The following RILPL1 variants were observed in gnomAD, a reference collection of about 807,000 sequenced individuals.
The protein encoded by RILPL1 is Rab interacting lysosomal protein like 1.
In RILPL1, 33 loss-of-function variants were observed where a neutral mutation model predicts 50.3. The observed-to-expected ratio is 0.66, with a 90% CI of 0.50 to 0.88. The LOEUF is 0.88. Among genes scored for constraint, RILPL1 ranks in the 40% least tolerant of loss-of-function variants. The probability of loss-of-function intolerance (pLI) is 0.00; values close to 1 mark genes in which losing one functional copy is unlikely to be tolerated. For synonymous variants in RILPL1, 205 were observed against 228.6 expected (o/e 0.90, Z 0.93); for missense variants, 418 against 542.5 (o/e 0.77, Z 2.28).
chr12:123,480,568 G>C (rs975821336), intron 6 of RILPL1, among the ~76,000 whole-genome samples: 10 of 152,150 alleles, frequency 6.6e-5, no homozygotes, highest in Middle Eastern at 6.8e-3. Flanking sequence ...CTGGGCTCAT[G>C]AAGCTTCTTG....
At chr12:123,521,335 C>T (rs986839681) in intron 2 of RILPL1, among the ~76,000 whole-genome samples, 1 of 151,812 alleles carries the variant, frequency 6.6e-6, no homozygotes, top group Non-Finnish European at 1.5e-5. Context: ...AGGGTCAGGA[C>T]TCAAACCTGG....
intron 1 of RILPL1, among the ~76,000 whole-genome samples, chr12:123,524,072 G>T (rs920152925): frequency 1.3e-5 from 2 of 152,220 alleles, no homozygotes; most frequent in African/African-American, 4.8e-5. Flanking sequence ...TGGGGATGCC[G>T]AGGCAGACGG....
At chr12:123,496,516 T>C (rs557445579) in intron 4 of RILPL1, among the ~76,000 whole-genome samples, 5 of 152,318 alleles carry the variant, frequency 3.3e-5, no homozygotes, top group Non-Finnish European at 7.4e-5. Context: ...GTCTGCAAAC[T>C]TTCAACAGCT....
rs370118545 is a variant in RILPL1 at position 123,475,473 on chromosome 12, C to T, written c.1068-2791G>A. ...GACAGAGCCGAGAATTCTGAGGCTT[C>T]GCTCGAGTAGACCGAGCGCAGCCAG... On this transcript the variant is annotated intron_variant, in intron 6 of 6. Transcript: ENST00000376874. The T allele has an allele frequency of 2.0e-3, 1,166 of 581,558 alleles. 26 individuals are homozygous for T. The South Asian group carries it at 0.023, about 11-fold the overall frequency. 36.0% of individuals were successfully genotyped at this position (581,558 alleles called of 1,614,324 possible). A position where few individuals can be genotyped will look rare whatever the true frequency, so the allele number is the denominator to read the frequency against.
chr12:123,481,757 G>A (rs781218455), intron 6 of RILPL1, among the ~76,000 whole-genome samples: 7 of 151,324 alleles, frequency 4.6e-5, no homozygotes, highest in Non-Finnish European at 5.9e-5. Flanking sequence ...GGGTTTCTCC[G>A]TATTGGTCAG....
chr12:123,526,320 A>AAAT (rs1885256651), intron 1 of RILPL1, among the ~76,000 whole-genome samples: 3 of 151,982 alleles, frequency 2.0e-5, no homozygotes, highest in Admixed American at 6.6e-5. Flanking sequence ...AATAAAATTA[A>AAAT]AATAAAATAA....
intron 4 of RILPL1, among the ~76,000 whole-genome samples, chr12:123,488,842 A>G (rs1566119166): frequency 6.6e-6 from 1 of 152,212 alleles, no homozygotes; most frequent in African/African-American, 2.4e-5. Context: ...CCACCCAAGA[A>G]CAAGGGGAGG....
chr12:123,518,874 C>T (rs375782787), intron 2 of RILPL1, among the ~76,000 whole-genome samples: 10 of 151,746 alleles, frequency 6.6e-5, no homozygotes, highest in East Asian at 1.9e-4. Flanking sequence ...CTGGCTAACA[C>T]GGTGAAATCC....
chr12:123,493,255 A>G (rs1218590938), intron 4 of RILPL1, among the ~76,000 whole-genome samples: 1 of 152,224 alleles, frequency 6.6e-6, no homozygotes, highest in Non-Finnish European at 1.5e-5. Flanking sequence ...ATGTGTATGC[A>G]TATCTAAAAG....
At chr12:123,526,108 C>T (rs1423634287) in intron 1 of RILPL1, among the ~76,000 whole-genome samples, 2 of 152,034 alleles carry the variant, frequency 1.3e-5, no homozygotes, top group Non-Finnish European at 2.9e-5. Context: ...GAGTTTGAGA[C>T]CAGCCTGGCC....
At chr12:123,497,694 A>C (rs1285325037) in intron 4 of RILPL1, among the ~76,000 whole-genome samples, 1 of 151,938 alleles carries the variant, frequency 6.6e-6, no homozygotes, top group East Asian at 1.9e-4. Flanking sequence ...ACCCAGCCCA[A>C]AAGCAAGTTT....
chr12:123,524,476 G>C (rs1044287376), intron 1 of RILPL1, among the ~76,000 whole-genome samples: 3 of 152,128 alleles, frequency 2.0e-5, no homozygotes, highest in Non-Finnish European at 1.5e-5. Flanking sequence ...ACATGAAAAC[G>C]CGTGCAGGTG....
rs553483960 is a variant in RILPL1 at position 123,502,536 on chromosome 12, T to C, written c.461-3000A>G. On this transcript the variant is annotated intron_variant, in intron 2 of 6. Transcript: ENST00000376874. ...CACACAGAGCCCTGAAGATGGTGCC[T>C]GGCACACCGCAGGCGGGTGAGGCCC... 5.9e-5 allele frequency among the ~76,000 whole-genome samples: 9 copies of C among 152,364 alleles called. No individual in the cohort carries two copies. In the South Asian group the frequency reaches 1.9e-3, roughly 32 times the overall value.
intron 2 of RILPL1, among the ~76,000 whole-genome samples, chr12:123,507,067 G>GT (rs1883794896): frequency 6.6e-6 from 1 of 152,232 alleles, no homozygotes. Flanking sequence ...CCAAGTGCTG[G>GT]TGAGAAAGTG....
chr12:123,481,919 C>G lies in RILPL1; in HGVS notation c.1067+2261G>C, dbSNP rs79746061. Among the ~76,000 whole-genome samples, 413 of 151,634 alleles carry G rather than the reference C, an allele frequency of 2.7e-3. 2 individuals are homozygous for G. The highest frequency in any genetic ancestry group is 9.5e-3 in the African/African-American group (391 of 41,300). On this transcript the variant is annotated intron_variant, in intron 6 of 6. Transcript: ENST00000376874. ...GGAGTCTCGCTCTGTCGCTCAGAGGCTGGAGTACAATGGCACAATCTCAGC... is the reference window on the plus strand; with the variant it reads ...GGAGTCTCGCTCTGTCGCTCAGAGGGTGGAGTACAATGGCACAATCTCAGC...
chr12:123,498,414 G>A lies in RILPL1; in HGVS notation c.801+130C>T. On this transcript the variant is annotated intron_variant, in intron 4 of 6. Transcript: ENST00000376874. The surrounding 1 kb of genome is among the most constrained non-coding windows in gnomAD (Gnocchi z 4.3). ...AAAAAAAATGTTTGTAGAGAATTGG[G>A]GTCTTGCTATGTTGCCCAGGTTGGC... 1 of 732,696 alleles carries A rather than the reference G, an allele frequency of 1.4e-6. No individual in the cohort carries two copies. The allele number at this position is 732,696 out of a possible 1,614,324, so 45.4% of individuals were successfully genotyped here. A position where few individuals can be genotyped will look rare whatever the true frequency, so the allele number is the denominator to read the frequency against.
chr12:123,518,321 T>C (rs961783157), intron 2 of RILPL1: 18 of 426,420 alleles, frequency 4.2e-5, no homozygotes, highest in East Asian at 8.3e-5. Flanking sequence ...CTGGGCAACA[T>C]AGTGAGACCC....
chr12:123,485,524 A>G lies in RILPL1; in HGVS notation c.974+109T>C. On this transcript the variant is annotated intron_variant, in intron 5 of 6. Coordinates refer to ENST00000376874, the MANE Select transcript of RILPL1 (RefSeq NM_178314.5). The surrounding 1 kb of genome is among the most constrained non-coding windows in gnomAD (Gnocchi z 4.0). ...AGGCCAGAGAGGGTACCCAAAAAAA[A>G]CACTGATGAAATGCTTGTCTTCCAG... is the stretch of plus-strand genomic sequence containing the variant. 3.7e-6 allele frequency: 4 copies of G among 1,069,630 alleles called. No homozygotes were observed. Among genetic ancestry groups the G allele is most frequent in the Non-Finnish European group, 5.4e-6 (4 of 736,888 alleles). The allele number at this position is 1,069,630 out of a possible 1,614,324, so 66.3% of individuals were successfully genotyped here.
At chr12:123,511,234 CTGTGTGTGGTG>C (rs1201385325) in intron 2 of RILPL1, among the ~76,000 whole-genome samples, 3 of 67,498 alleles carry the variant, frequency 4.4e-5, no homozygotes, top group Non-Finnish European at 8.0e-5. Context: ...TGTCTGAGGT[CTGTGTGTGGTG>C]TGTGTGTGAG....
Sources: gnomAD v4.1 joint callset for allele counts (sites outside exome capture counted in the v4.1 genomes callset) on GRCh38, gnomAD v4.1.1 for gene constraint, Gnocchi (gnomAD v3.1) non-coding constraint, MANE v1.5 for transcripts, NCBI Gene and HGNC (gene_info 2026-07-23, HGNC 2026-07-21) for gene names.